Variants in IRAK1BP1 observed in about 807,000 individuals in gnomAD.
The protein encoded by IRAK1BP1 is interleukin-1 receptor-associated kinase 1-binding protein 1.
A neutral mutation model predicts 28.0 loss-of-function variants in IRAK1BP1; 24 were observed. That is an observed-to-expected ratio of 0.86 (90% confidence interval 0.62 to 1.20). IRAK1BP1 has a LOEUF of 1.20. IRAK1BP1 is among the 50% of genes most tolerant of loss of function. IRAK1BP1 has a pLI of 0.00. For missense variants in IRAK1BP1, 336 were observed against 316.7 expected, an observed-to-expected ratio of 1.06 and a Z score of -0.46; for synonymous variants, 131 against 116.3, an observed-to-expected ratio of 1.13 and a Z score of -0.81.
the IRAK1BP1 span, among the ~76,000 whole-genome samples, chr6:78,974,245 T>C: frequency 6.6e-6 from 1 of 152,080 alleles, no homozygotes; most frequent in South Asian, 2.1e-4. Context: ...CTCAACTACA[T>C]GGAAACTGAA....
At chr6:78,891,179 T>C (rs762018462) in intron 2 of IRAK1BP1, among the ~76,000 whole-genome samples, 126 of 152,178 alleles carry the variant, frequency 8.3e-4, no homozygotes, top group Non-Finnish European at 1.3e-3. Context: ...AGCAAACAAA[T>C]AAAAATGAAC....
rs1338449221 is a variant in IRAK1BP1 at position 78,901,631 on chromosome 6, A to G, written c.*3297A>G. On this transcript the variant is annotated 3_prime_UTR_variant, in exon 4 of 4. Coordinates refer to ENST00000369940, the MANE Select transcript of IRAK1BP1 (RefSeq NM_001010844.4). ...AGGATATTTGAAACAGACCCACTGT[A>G]TCCTAAATGGAAGTGCTATTAAAAG... The G allele has an allele frequency of 6.6e-6, 1 of 152,172 alleles. No homozygotes were observed. Among genetic ancestry groups the G allele is most frequent in the Non-Finnish European group, 1.5e-5 (1 of 67,988 alleles). 9.4% of individuals were successfully genotyped at this position (152,172 alleles called of 1,614,324 possible). A position where few individuals can be genotyped will look rare whatever the true frequency, so the allele number is the denominator to read the frequency against.
At chr6:78,891,081 A>C (rs1259695573) in intron 2 of IRAK1BP1, among the ~76,000 whole-genome samples, 1 of 152,146 alleles carries the variant, frequency 6.6e-6, no homozygotes, top group Non-Finnish European at 1.5e-5. Context: ...AAAATAAAGG[A>C]ACTCATAGAT....
chr6:78,919,350 A>G (rs973430902), intron 4 of IRAK1BP1, among the ~76,000 whole-genome samples: 2 of 152,214 alleles, frequency 1.3e-5, no homozygotes, highest in Non-Finnish European at 2.9e-5. Context: ...AAATCAAAGC[A>G]GAACTGAATG....
chr6:78,940,552 T>TTTG (rs1562108915), intron 4 of IRAK1BP1: 2 of 164,106 alleles, frequency 1.2e-5, no homozygotes, highest in African/African-American at 5.6e-5. Flanking sequence ...AAGTTTGTTT[T>TTTG]TTTTTTTTTT....
the IRAK1BP1 span, among the ~76,000 whole-genome samples, chr6:78,967,835 T>C: frequency 6.6e-6 from 1 of 152,078 alleles, no homozygotes; most frequent in Non-Finnish European, 1.5e-5. Context: ...TGCAACTCCT[T>C]AAAAAATAAA....
intron 4 of IRAK1BP1, among the ~76,000 whole-genome samples, chr6:78,941,918 A>G (rs1162912778): frequency 6.6e-6 from 1 of 152,192 alleles, no homozygotes. Context: ...TGGCAATCAA[A>G]TTCTAAACCT....
chr6:78,967,022 C>T, the IRAK1BP1 span, among the ~76,000 whole-genome samples: 1 of 152,138 alleles, frequency 6.6e-6, no homozygotes, highest in East Asian at 1.9e-4. Context: ...TTTTGACACA[C>T]AGTTAAGTTA....
the IRAK1BP1 span, among the ~76,000 whole-genome samples, chr6:78,966,403 C>A: frequency 6.6e-6 from 1 of 152,114 alleles, no homozygotes; most frequent in African/African-American, 2.4e-5. Context: ...ATAATTGCGG[C>A]AAGTTCCACT....
At chr6:78,957,154 G>A in the IRAK1BP1 span, 2 of 151,922 alleles carry the variant, frequency 1.3e-5, no homozygotes, top group Non-Finnish European at 2.9e-5. Context: ...TTTCAAAGTA[G>A]CCGTTTGAAA....
At chr6:78,896,663 A>G (rs1771893424) in intron 2 of IRAK1BP1, among the ~76,000 whole-genome samples, 1 of 152,008 alleles carries the variant, frequency 6.6e-6, no homozygotes, top group Non-Finnish European at 1.5e-5. Context: ...TACCTTTTTC[A>G]AAAGTGATAT....
the IRAK1BP1 span, among the ~76,000 whole-genome samples, chr6:78,973,320 C>A: frequency 6.6e-6 from 1 of 150,648 alleles, no homozygotes; most frequent in Non-Finnish European, 1.5e-5. Flanking sequence ...TACAGACAAG[C>A]AAATGCTGAG....
At chr6:78,929,980 AG>A (rs1343608547) in intron 4 of IRAK1BP1, among the ~76,000 whole-genome samples, 1 of 152,154 alleles carries the variant, frequency 6.6e-6, no homozygotes, top group Non-Finnish European at 1.5e-5. Context: ...TCTGTCACTC[AG>A]GCTGGAGTGC....
At chr6:78,887,431 C>T (rs558812242) in intron 2 of IRAK1BP1, among the ~76,000 whole-genome samples, 32 of 152,098 alleles carry the variant, frequency 2.1e-4, no homozygotes, top group South Asian at 2.1e-3. Flanking sequence ...TTTGGGAGGT[C>T]GAGGTGGGCG....
chr6:78,892,657 A>G (rs1299148690), intron 2 of IRAK1BP1, among the ~76,000 whole-genome samples: 4 of 152,198 alleles, frequency 2.6e-5, no homozygotes, highest in Admixed American at 6.5e-5. Flanking sequence ...ATTAAAAGAC[A>G]TAGTCATTAA....
chr6:78,906,227 CT>C (rs143597980), downstream of IRAK1BP1, among the ~76,000 whole-genome samples: 11,456 of 149,526 alleles, frequency 0.077, 551 homozygotes, highest in African/African-American at 0.14. Context: ...ATTGAATACT[CT>C]TTTTTTTTTC....
the IRAK1BP1 span, among the ~76,000 whole-genome samples, chr6:78,952,429 A>G: frequency 0.012 from 1,577 of 132,870 alleles, 45 homozygotes; most frequent in African/African-American, 0.04. Context: ...AAAAAAAAAG[A>G]AAAAAAAAAA....
chr6:78,958,668 C>T, the IRAK1BP1 span: 1 of 918,788 alleles, frequency 1.1e-6, no homozygotes, highest in Non-Finnish European at 1.7e-6. Flanking sequence ...TCATTTAAAA[C>T]CAAGACATTC....
chr6:78,900,249 A>G lies in IRAK1BP1; in HGVS notation c.*1915A>G, dbSNP rs1236785745. The G allele has an allele frequency of 6.6e-6, 1 of 152,254 alleles. No individual in the cohort carries two copies. The highest frequency in any genetic ancestry group is 2.4e-5 in the African/African-American group (1 of 41,464). 9.4% of individuals were successfully genotyped at this position (152,254 alleles called of 1,614,324 possible). On this transcript the variant is annotated 3_prime_UTR_variant, in exon 4 of 4. Transcript: ENST00000369940. ...TTAACAGCAAGTATGTATTACTGCT[A>G]TCTACAGTAAGAATTACATTTTATC...
Sources: allele counts gnomAD v4.1 joint callset (sites outside exome capture counted in the v4.1 genomes callset), GRCh38; gene constraint gnomAD v4.1.1; transcripts MANE v1.5; gene names NCBI Gene and HGNC (gene_info 2026-07-23, HGNC 2026-07-21).